FASN: variants seen among roughly 807,000 people sequenced by gnomAD.
FASN encodes fatty acid synthase.
FASN carries 50 observed loss-of-function variants against 250.0 expected under a neutral mutation model. That is an observed-to-expected ratio of 0.20 (90% CI 0.16 to 0.25). The LOEUF (loss-of-function observed/expected upper bound fraction) is 0.25, where lower values mean the gene tolerates loss of function less well. Among genes scored for constraint, FASN ranks in the 10% least tolerant of loss-of-function variants. FASN has a pLI of 1.00. For synonymous variants in FASN, 1,909 were observed against 1,584.0 expected (o/e 1.21, Z -4.87); for missense variants, 3,031 against 3,498.5 (o/e 0.87, Z 3.37).
Position 82,084,708 on chromosome 17 carries a change from C to T in FASN, c.4573G>A (p.Glu1525Lys). The change falls in exon 27 of 43, where the codon GAG (glutamate) becomes AAG (lysine). Residue 1525 changes from glutamate (E) to lysine (K), a missense_variant. By Grantham distance (56) the Glu-to-Lys change is moderately conservative. Transcript: ENST00000306749. ...RHFLLEEDKP[E>K]EPTAHAFVST... ...ACAAAGGCATGTGCCGTCGGCTCCT[C>T]AGGCTTGTCTAGGGAAACAGGGAGG... 1.3e-6 allele frequency: 2 copies of T among 1,562,750 alleles called. No homozygotes were observed. Among genetic ancestry groups the T allele is most frequent in the South Asian group, 1.2e-5 (1 of 85,420 alleles).
In FASN at chr17:82,092,711, C is replaced by T. The variant is rs1436017797; in HGVS notation, c.880G>A (p.Gly294Ser). ...GGGGGCATCACCTTGGTGCCTGTGCCGTGGGCTTCGATGTATTCAAATGAC... is the reference window on the plus strand; with the variant it reads ...GGGGGCATCACCTTGGTGCCTGTGCTGTGGGCTTCGATGTATTCAAATGAC... The part of the protein sequence containing the change: ...PESFEYIEAH[G>S]TGTKVGDPQE... Residue 294 changes from glycine (G) to serine (S), a missense_variant, in exon 7 of 43, where the codon GGC becomes AGC. Physicochemically the swap from Gly to Ser is moderately conservative, Grantham distance 56. Coordinates refer to ENST00000306749, the MANE Select transcript of FASN (RefSeq NM_004104.5). The T allele has an allele frequency of 5.6e-6, 9 of 1,594,796 alleles. No individual in the cohort carries two copies. The highest frequency in any genetic ancestry group is 1.1e-5 in the South Asian group (1 of 89,064).
chr17:82,088,585 T>G (rs1385514863), intron 15 of FASN, 23 bp from the exon 16 acceptor site: 1 of 1,599,642 alleles, frequency 6.3e-7, no homozygotes, highest in Non-Finnish European at 8.5e-7. Flanking sequence ...GAGGCATGGG[T>G]AGCACACCCG....
chr17:82,084,751 C>T (rs2034058689), intron 26 of FASN, 35 bp from the exon 27 acceptor site: 4 of 1,550,104 alleles, frequency 2.6e-6, no homozygotes, highest in Admixed American at 2.0e-5. Flanking sequence ...GCTGCGGGGC[C>T]TTCGGGTGCA....
At chr17:82,095,922 G>A (rs1230650625) in intron 2 of FASN, among the ~76,000 whole-genome samples, 1 of 152,224 alleles carries the variant, frequency 6.6e-6, no homozygotes, top group African/African-American at 2.4e-5. Flanking sequence ...GGGCAGCCTG[G>A]CCGGAAGGGC....
intron 4 of FASN, 35 bp downstream of exon 4, chr17:82,093,563 C>T: frequency 6.2e-7 from 1 of 1,612,356 alleles, no homozygotes; most frequent in Non-Finnish European, 8.5e-7. Context: ...GACCTGAAGG[C>T]CACCCACCTC....
chr17:82,091,169 C>T (rs1048640316), intron 9 of FASN, 53 bp downstream of exon 9: 37 of 1,599,032 alleles, frequency 2.3e-5, no homozygotes, highest in East Asian at 6.7e-5. Context: ...AGCTCCAGTT[C>T]GCCTGCCTTT....
chr17:82,092,946 G>A lies in FASN; in HGVS notation c.729C>T (p.Tyr243=), dbSNP rs142734133. ...LTKKSLARRV[Y]ATILNAGTNT... ...TGGTGCCGGCGTTCAGGATGGTGGC[G>A]TACACCCGCCGGGCCAGGGACTTCT... The change falls in exon 6 of 43, where the codon TAC becomes TAT. Residue 243 remains tyrosine (Y), a synonymous_variant. Coordinates refer to ENST00000306749, the MANE Select transcript of FASN (RefSeq NM_004104.5). 289 of 1,609,800 alleles carry A rather than the reference G, an allele frequency of 1.8e-4. No individual in the cohort carries two copies. Among genetic ancestry groups the A allele is most frequent in the African/African-American group, 1.1e-3 (86 of 75,000 alleles).
At position 82,079,116 on chromosome 17, in the gene FASN, C is replaced by G; in HGVS notation, c.*27G>C. The G allele has an allele frequency of 6.2e-7, 1 of 1,602,482 alleles. No individual in the cohort carries two copies. Among genetic ancestry groups the G allele is most frequent in the East Asian group, 2.2e-5 (1 of 44,752 alleles). ...GGGTGGGGTGGGGATGGTGGAGTGA[C>G]CTCCGGTGGCAGGCGGGGGCACGGG... is the stretch of plus-strand genomic sequence containing the variant. On this transcript the variant is annotated 3_prime_UTR_variant, in exon 43 of 43. Transcript: ENST00000306749.
intron 41 of FASN, 100 bp from the exon 42 acceptor site, chr17:82,079,708 A>G: frequency 1.4e-6 from 2 of 1,459,190 alleles, no homozygotes; most frequent in Admixed American, 2.6e-5. Flanking sequence ...GACGAGTTTC[A>G]TTTTTGTTAC....
rs2034228778 is a variant in FASN at position 82,092,513 on chromosome 17, G to C, written c.971C>G (p.Ser324Cys). Residue 324 changes from serine (S) to cysteine (C), a missense_variant, in exon 8 of 43, where the codon TCC (serine) becomes TGC (cysteine). Ser to Cys is a moderately radical substitution (Grantham distance 112). Transcript: ENST00000306749. Reference protein sequence around the residue: ...ATRQEPLLIGSTKSNMGHPEP... With the variant: ...ATRQEPLLIGCTKSNMGHPEP... ...CGGGTGCCCCATGTTGGACTTGGTG[G>C]AGCCGATGAGCAGCGGCTCCTGGCG... is the stretch of plus-strand genomic sequence containing the variant. 1 of 1,602,608 alleles carries C rather than the reference G, an allele frequency of 6.2e-7. No homozygotes were observed. Among genetic ancestry groups the C allele is most frequent in the Admixed American group, 1.7e-5 (1 of 59,002 alleles).
chr17:82,098,064 C>A (rs1487564593), intron 1 of FASN, 57 bp downstream of exon 1: 3 of 325,710 alleles, frequency 9.2e-6, no homozygotes, highest in Admixed American at 9.8e-5. Flanking sequence ...CCCCGGGAAC[C>A]CCGGGCCCAG....
At chr17:82,095,937 G>GC (rs1389429212) in intron 2 of FASN, among the ~76,000 whole-genome samples, 1 of 152,330 alleles carries the variant, frequency 6.6e-6, no homozygotes, top group Non-Finnish European at 1.5e-5. Context: ...AAGGGCTCTG[G>GC]CCCCCCGCAC....
chr17:82,089,592 C>T (rs761440727), intron 12 of FASN, 40 bp downstream of exon 12: 389 of 1,559,486 alleles, frequency 2.5e-4, no homozygotes, highest in Non-Finnish European at 3.2e-4. Context: ...CAATGGCAGG[C>T]GCAGGGGACA....
chr17:82,086,421 G>A lies in FASN; in HGVS notation c.3565C>T (p.Gln1189Ter), dbSNP rs1352778917. Residue 1189 changes from glutamine (Q) to a stop codon, truncating the protein, a stop_gained, in exon 22 of 43, where the codon CAG becomes TAG. Coordinates refer to ENST00000306749, the MANE Select transcript of FASN (RefSeq NM_004104.5). LOFTEE classifies it high-confidence loss of function. ...TCCAGCTGCAGGTTCCCGTTGAGCTGAAGCCTGCAGGCAGCCGACAACAGC... is the reference window on the plus strand; with the variant it reads ...TCCAGCTGCAGGTTCCCGTTGAGCTAAAGCCTGCAGGCAGCCGACAACAGC... ...PRLLSAACRL[Q>*]LNGNLQLELA... 1 of 1,611,582 alleles carries A rather than the reference G, an allele frequency of 6.2e-7. No individual in the cohort carries two copies. The highest frequency in any genetic ancestry group is 8.5e-7 in the Non-Finnish European group (1 of 1,179,912).
Position 82,095,476 on chromosome 17 carries a change from T to C in FASN, c.128-4A>G. 1 of 1,611,822 alleles carries C rather than the reference T, an allele frequency of 6.2e-7. No individual in the cohort carries two copies. Among genetic ancestry groups the C allele is most frequent in the Non-Finnish European group, 8.5e-7 (1 of 1,179,972 alleles). On this transcript the variant is annotated splice_polypyrimidine_tract_variant and splice_region_variant and intron_variant, in intron 2 of 42. Transcript: ENST00000306749. ...CGCCGGGGCAGGCCGTAGAGCCCTG[T>C]GGGACAGGCGGGTGTTTAAATCTCT...
chr17:82,093,157 T>C (rs2144807430), intron 5 of FASN, 62 bp downstream of exon 5: 1 of 1,538,078 alleles, frequency 6.5e-7, no homozygotes, highest in African/African-American at 1.4e-5. Flanking sequence ...GCGTGGGGAC[T>C]GTGCGGGGGG....
In FASN at chr17:82,089,665, G is replaced by A. The variant is rs1380702896; in HGVS notation, c.1932C>T (p.Asn644=). ...CPPGVVPACH[N]SKDTVTISGP... is the part of the protein sequence containing the mutation. ...CCGAGATGGTGACTGTGTCCTTGGA[G>A]TTGTGGCAGGCGGGCACCACGCCCG... Residue 644 remains asparagine, a synonymous_variant, in exon 12 of 43, where the codon AAC becomes AAT. Coordinates refer to ENST00000306749, the MANE Select transcript of FASN (RefSeq NM_004104.5). 6.2e-7 allele frequency: 1 copy of A among 1,605,058 alleles called. No individual in the cohort carries two copies. Among genetic ancestry groups the A allele is most frequent in the Non-Finnish European group, 8.5e-7 (1 of 1,176,748 alleles).
Position 82,079,122 on chromosome 17 carries a change from G to A in FASN, c.*21C>T. 6.2e-7 allele frequency: 1 copy of A among 1,606,070 alleles called. No homozygotes were observed. The highest frequency in any genetic ancestry group is 8.5e-7 in the Non-Finnish European group (1 of 1,179,316). The stretch of plus-strand genomic sequence containing the variant: ...GGTGGGGATGGTGGAGTGACCTCCG[G>A]TGGCAGGCGGGGGCACGGGCCTAGC... On this transcript the variant is annotated 3_prime_UTR_variant, in exon 43 of 43. Coordinates refer to ENST00000306749, the MANE Select transcript of FASN (RefSeq NM_004104.5).
chr17:82,092,913 A>C lies in FASN; in HGVS notation c.762T>G (p.Asp254Glu). 1 of 1,604,838 alleles carries C rather than the reference A, an allele frequency of 6.2e-7. No homozygotes were observed. Among genetic ancestry groups the C allele is most frequent in the Non-Finnish European group, 8.5e-7 (1 of 1,176,464 alleles). The change falls in exon 6 of 43, where the codon GAT (aspartate) becomes GAG (glutamate). Residue 254 changes from aspartate to glutamate, a missense_variant. By Grantham distance (45) the Asp-to-Glu change is conservative. Transcript: ENST00000306749. ...ATILNAGTNT[D>E]GFKEQGVTFP... ...AGAGCCCACCTTGCTCCTTGAAGCC[A>C]TCTGTATTGGTGCCGGCGTTCAGGA...
Sources: allele counts gnomAD v4.1 joint callset (sites outside exome capture counted in the v4.1 genomes callset), GRCh38; gene constraint gnomAD v4.1.1; transcripts MANE v1.5; gene names NCBI Gene and HGNC (gene_info 2026-07-23, HGNC 2026-07-21).